Variants in HAL observed in about 807,000 individuals in gnomAD.
The protein encoded by HAL is histidase.
In HAL, 85 loss-of-function variants were observed where a neutral mutation model predicts 81.1. That is an observed-to-expected ratio of 1.05 (90% CI 0.88 to 1.25). HAL has a LOEUF of 1.25. HAL is among the 50% of genes most tolerant of loss of function. HAL has a pLI of 0.00. For missense variants in HAL, 798 were observed against 836.6 expected, an observed-to-expected ratio of 0.95 and a Z score of 0.57; for synonymous variants, 301 against 309.2, an observed-to-expected ratio of 0.97 and a Z score of 0.28.
In HAL at chr12:95,995,526, T is replaced by C. The variant is rs141630804; in HGVS notation, c.247+138A>G. The C allele has an allele frequency of 7.1e-6, 8 of 1,121,626 alleles. No individual in the cohort carries two copies. In the African/African-American group the frequency reaches 1.2e-4, roughly 17 times the overall value. 69.5% of individuals were successfully genotyped at this position (1,121,626 alleles called of 1,614,324 possible). ...TGAGGACTTAAGATCCCCAGAGGCGTGGCATGTGCCTGCACAGGGCCAGCC... is the reference window on the plus strand; with the variant it reads ...TGAGGACTTAAGATCCCCAGAGGCGCGGCATGTGCCTGCACAGGGCCAGCC... On this transcript the variant is annotated intron_variant, in intron 2 of 20. Transcript: ENST00000261208.
At chr12:95,988,078 T>C in intron 11 of HAL, 115 bp downstream of exon 11, 1 of 738,750 alleles carries the variant, frequency 1.4e-6, no homozygotes, top group Non-Finnish European at 2.5e-6. Flanking sequence ...GGGATGAACT[T>C]TAAGCAAACA....
intron 10 of HAL, among the ~76,000 whole-genome samples, 161 bp from the exon 11 acceptor site, chr12:95,988,401 T>G (rs531781600): frequency 1.3e-5 from 2 of 152,352 alleles, no homozygotes; most frequent in East Asian, 3.9e-4. Context: ...TGGTCTATTC[T>G]CTAGTTCTGT....
chr12:95,977,951 C>T lies in HAL; in HGVS notation c.1647G>A (p.Val549=), dbSNP rs774825633. 3.1e-6 allele frequency: 5 copies of T among 1,614,142 alleles called. No individual in the cohort carries two copies. In the Admixed American group the frequency reaches 5.0e-5, roughly 16 times the overall value. ...CGAACTCATCAGCATTACCTTGCTC[C>T]ACATGCTCGATGACCCTGAGGGCTT... is the stretch of plus-strand genomic sequence containing the variant. ...ARKALRVIEH[V]EQVLAIELLA... is the part of the protein sequence containing the mutation. The change falls in exon 18 of 21, where the codon GTG becomes GTA. Residue 549 remains valine, a synonymous_variant. Coordinates refer to ENST00000261208, the MANE Select transcript of HAL (RefSeq NM_002108.4).
intron 12 of HAL, 139 bp downstream of exon 12, chr12:95,986,928 A>G: frequency 4.0e-6 from 3 of 745,302 alleles, no homozygotes; most frequent in Non-Finnish European, 7.2e-6. Context: ...GAGGCAGCAC[A>G]CTGGGTACGC....
chr12:95,995,666 A>C lies in HAL; in HGVS notation c.245T>G (p.Val82Gly). 1 of 1,613,284 alleles carries C rather than the reference A, an allele frequency of 6.2e-7. No homozygotes were observed. Among genetic ancestry groups the C allele is most frequent in the Non-Finnish European group, 8.5e-7 (1 of 1,180,022 alleles). ...VALENNEFVEVVIEGDAMSPD... is the reference protein window; with the variant it reads ...VALENNEFVEGVIEGDAMSPD... Reference sequence around the variant, plus strand: ...GGCCCTCTCCTGCAGCCACTCACCCACTTCCACGAACTCGTTGTTCTCTAG... The same window carrying C: ...GGCCCTCTCCTGCAGCCACTCACCCCCTTCCACGAACTCGTTGTTCTCTAG... The change falls in exon 2 of 21, where the codon GTG (valine) becomes GGG (glycine). Residue 82 changes from valine (V) to glycine (G), a missense_variant and splice_region_variant. Physicochemically the swap from Val to Gly is moderately radical, Grantham distance 109. Coordinates refer to ENST00000261208, the MANE Select transcript of HAL (RefSeq NM_002108.4).
chr12:95,977,642 C>CAAAAAAAAA (rs60410496), intron 18 of HAL, among the ~76,000 whole-genome samples: 4 of 99,922 alleles, frequency 4.0e-5, no homozygotes, highest in African/African-American at 9.4e-5. Flanking sequence ...GATCCTGCCT[C>CAAAAAAAAA]AAAAAAAAAA....
At chr12:95,983,253 TG>T (rs1242235927) in intron 15 of HAL, among the ~76,000 whole-genome samples, 1 of 152,098 alleles carries the variant, frequency 6.6e-6, no homozygotes, top group Non-Finnish European at 1.5e-5. Context: ...CCAGGCCTGC[TG>T]GCACATGCCT....
chr12:95,976,067 G>T, intron 20 of HAL: 1 of 363,612 alleles, frequency 2.8e-6, no homozygotes, highest in South Asian at 2.2e-5. Flanking sequence ...AGTGGTGGTA[G>T]TTGTGATAGC....
At chr12:95,977,603 A>G (rs1020098472) in intron 18 of HAL, among the ~76,000 whole-genome samples, 3 of 140,922 alleles carry the variant, frequency 2.1e-5, no homozygotes, top group African/African-American at 8.3e-5. Context: ...TTGTTGCAAC[A>G]CTGCACTCCA....
chr12:95,974,722 T>C (rs1450131090), intron 20 of HAL, among the ~76,000 whole-genome samples: 1 of 125,530 alleles, frequency 8.0e-6, no homozygotes, highest in Non-Finnish European at 1.6e-5. Context: ...CCTATGTGGT[T>C]TTTTTCTTGT....
intron 18 of HAL, 99 bp from the exon 19 acceptor site, chr12:95,976,805 ACAGATGGTTTGTT>A (rs773214765): frequency 1.4e-4 from 106 of 765,294 alleles, no homozygotes; most frequent in South Asian, 4.0e-4. Flanking sequence ...CACCCAACTA[ACAGATGGTTTGTT>A]CTCTGTCTAT....
chr12:95,984,634 T>C (rs1949855174), intron 14 of HAL, among the ~76,000 whole-genome samples: 1 of 152,256 alleles, frequency 6.6e-6, no homozygotes, highest in Admixed American at 6.5e-5. Flanking sequence ...GGCAAGATAC[T>C]TAATTCTGTG....
chr12:95,988,212 A>C lies in HAL; in HGVS notation c.884T>G (p.Val295Gly), dbSNP rs777874877. ...CCTTACCTCTTTTGGTTTTAAAATA[A>C]CTGGTTTCAATCCATGGGCTTCTAG... is the stretch of plus-strand genomic sequence containing the variant. ...YVLEAHGLKPVILKPKEGLAL... is the reference protein window; with the variant it reads ...YVLEAHGLKPGILKPKEGLAL... The change falls in exon 11 of 21, where the codon GTT becomes GGT. Residue 295 changes from valine to glycine, a missense_variant. Val to Gly is a moderately radical substitution (Grantham distance 109). Coordinates refer to ENST00000261208, the MANE Select transcript of HAL (RefSeq NM_002108.4). The C allele has an allele frequency of 5.9e-6, 9 of 1,517,846 alleles. No individual in the cohort carries two copies. Among genetic ancestry groups the C allele is most frequent in the Non-Finnish European group, 8.2e-6 (9 of 1,092,480 alleles). 94.0% of individuals were successfully genotyped at this position (1,517,846 alleles called of 1,614,324 possible). A position where few individuals can be genotyped will look rare whatever the true frequency, so the allele number is the denominator to read the frequency against.
rs1467184691 is a variant in HAL at position 95,995,811 on chromosome 12, G to A, written c.100C>T (p.Arg34Cys). Residue 34 changes from arginine (R) to cysteine (C), a missense_variant, in exon 2 of 21, where the codon CGC (arginine) becomes TGC (cysteine). Physicochemically the swap from Arg to Cys is radical, Grantham distance 180 (BLOSUM62 -3). Transcript: ENST00000261208. ...VGWLGREAVR[R>C]YIKNKPDNGG... ...TTGTCGGGCTTATTCTTGATATAGC[G>A]CCTCACGGCCTCCCGGCCCAGCCAG... The A allele has an allele frequency of 6.2e-6, 10 of 1,612,498 alleles. No individual in the cohort carries two copies. The highest frequency in any genetic ancestry group is 3.3e-5 in the Admixed American group (2 of 60,012).
intron 17 of HAL, among the ~76,000 whole-genome samples, chr12:95,978,795 T>A (rs2080757043): frequency 1.3e-5 from 2 of 152,200 alleles, no homozygotes; most frequent in Non-Finnish European, 2.9e-5. Flanking sequence ...TCACCCTAGC[T>A]TAGAAGTCAG....
chr12:95,978,221 A>G, intron 17 of HAL, 143 bp from the exon 18 acceptor site: 1 of 725,608 alleles, frequency 1.4e-6, no homozygotes, highest in Non-Finnish European at 2.4e-6. Context: ...GATGGTAGAA[A>G]GCTGCTTTGG....
intron 2 of HAL, 109 bp downstream of exon 2, chr12:95,995,555 G>A (rs1950023538): frequency 6.0e-6 from 9 of 1,491,994 alleles, no homozygotes; most frequent in Middle Eastern, 1.7e-4. Flanking sequence ...GCCAGCCTCG[G>A]CAAGCCTGAC....
chr12:95,978,190 T>A (rs2080747167), intron 17 of HAL, 112 bp from the exon 18 acceptor site: 3 of 833,820 alleles, frequency 3.6e-6, no homozygotes, highest in Non-Finnish European at 4.0e-6. Flanking sequence ...CCAGAAGATC[T>A]TGGACATTAT....
At chr12:95,983,027 A>G (rs950493090) in intron 15 of HAL, among the ~76,000 whole-genome samples, 1 of 152,216 alleles carries the variant, frequency 6.6e-6, no homozygotes, top group Non-Finnish European at 1.5e-5. Context: ...AAATGGAATC[A>G]GTTTTACTAT....
Sources: allele counts gnomAD v4.1 joint callset (sites outside exome capture counted in the v4.1 genomes callset), GRCh38; gene constraint gnomAD v4.1.1; transcripts MANE v1.5; gene names NCBI Gene and HGNC (gene_info 2026-07-23, HGNC 2026-07-21).